The following NRG1 variants were observed in gnomAD, a reference collection of about 807,000 sequenced individuals.
NRG1 encodes pro-neuregulin-1, membrane-bound isoform.
Under a neutral mutation model 63.8 loss-of-function variants are expected in NRG1, and 18 were observed. The ratio of observed to expected loss-of-function variants is 0.28; its 90% CI spans 0.19 to 0.42. The LOEUF is 0.42. NRG1 is among the 10% of genes least tolerant of loss of function. NRG1 has a pLI of 1.00. For missense variants in NRG1, 762 were observed against 814.7 expected, an observed-to-expected ratio of 0.94 and a Z score of 0.79; for synonymous variants, 302 against 301.3, an observed-to-expected ratio of 1.00 and a Z score of -0.02.
intron 1 of NRG1, among the ~76,000 whole-genome samples, chr8:31,878,228 A>T (rs961203242): frequency 6.6e-6 from 1 of 152,182 alleles, no homozygotes; most frequent in African/African-American, 2.4e-5. Flanking sequence ...ATTGCTATAT[A>T]TGGAAATTCT....
intron 1 of NRG1, among the ~76,000 whole-genome samples, chr8:31,881,150 A>T (rs978908828): frequency 6.6e-6 from 1 of 152,122 alleles, no homozygotes; most frequent in Admixed American, 6.5e-5. Context: ...TGCTTTGCAG[A>T]TATTGTGTTT....
intron 1 of NRG1, among the ~76,000 whole-genome samples, chr8:32,498,389 A>G (rs1371905071): frequency 6.6e-6 from 1 of 152,216 alleles, no homozygotes; most frequent in Non-Finnish European, 1.5e-5. Flanking sequence ...ACAGTTCTGC[A>G]GGGCGTGGAG....
At chr8:31,906,038 G>A (rs552382754) in intron 1 of NRG1, among the ~76,000 whole-genome samples, 47 of 152,208 alleles carry the variant, frequency 3.1e-4, no homozygotes, top group Non-Finnish European at 5.7e-4. Context: ...AAACTTACCA[G>A]CTTAAAATAA....
chr8:32,769,472 C>T (rs1354545659), downstream of NRG1, among the ~76,000 whole-genome samples: 5 of 152,150 alleles, frequency 3.3e-5, no homozygotes, highest in Non-Finnish European at 1.5e-5. Context: ...CATTAGATTT[C>T]TTTTCTGTCC....
intron 1 of NRG1, among the ~76,000 whole-genome samples, chr8:32,108,277 A>G (rs1191288777): frequency 1.3e-5 from 2 of 152,174 alleles, no homozygotes; most frequent in African/African-American, 2.4e-5. Flanking sequence ...GAGACTGGGT[A>G]TGTATAAAGA....
intron 11 of NRG1, among the ~76,000 whole-genome samples, chr8:32,762,908 A>G (rs937787065): frequency 1.3e-5 from 2 of 152,210 alleles, no homozygotes; most frequent in African/African-American, 2.4e-5. Flanking sequence ...CAGACATAAC[A>G]TGATAGAAGG....
chr8:31,910,645 A>C (rs1832864552), intron 1 of NRG1, among the ~76,000 whole-genome samples: 2 of 152,198 alleles, frequency 1.3e-5, no homozygotes, highest in African/African-American at 4.8e-5. Flanking sequence ...CTAGAGCTCA[A>C]AGGAGAAGTC....
At chr8:32,729,206 G>A (rs1406277917) in intron 6 of NRG1, among the ~76,000 whole-genome samples, 2 of 152,172 alleles carry the variant, frequency 1.3e-5, no homozygotes, top group Admixed American at 6.5e-5. Context: ...TAAAAAGTAT[G>A]TTTATTTTGC....
chr8:32,275,093 G>A (rs1294799124), intron 1 of NRG1, among the ~76,000 whole-genome samples: 2 of 152,046 alleles, frequency 1.3e-5, no homozygotes, highest in Non-Finnish European at 2.9e-5. Flanking sequence ...CAGCCTGGAA[G>A]AGAGCATCCC....
At chr8:32,192,699 G>A (rs750433018) in intron 1 of NRG1, among the ~76,000 whole-genome samples, 2 of 151,914 alleles carry the variant, frequency 1.3e-5, no homozygotes, top group Non-Finnish European at 2.9e-5. Context: ...ACATAACCAA[G>A]TAGCAACCCT....
chr8:32,574,436 C>T (rs559124394), intron 1 of NRG1, among the ~76,000 whole-genome samples: 1 of 152,254 alleles, frequency 6.6e-6, no homozygotes, highest in East Asian at 1.9e-4. Context: ...TTTTTCCCCA[C>T]CCAAATCTCA....
At chr8:31,987,054 C>T (rs1417879174) in intron 1 of NRG1, among the ~76,000 whole-genome samples, 2 of 151,932 alleles carry the variant, frequency 1.3e-5, no homozygotes, top group Non-Finnish European at 2.9e-5. Flanking sequence ...AATCCTAGCA[C>T]CTTGGGAGGC....
chr8:31,642,848 T>C (rs187603150), intron 1 of NRG1, among the ~76,000 whole-genome samples: 79 of 152,386 alleles, frequency 5.2e-4, no homozygotes, highest in Non-Finnish European at 1.2e-4. Flanking sequence ...ACTGAAATCA[T>C]GCTAAAAGTT....
intron 1 of NRG1, among the ~76,000 whole-genome samples, chr8:32,476,704 C>T (rs895233178): frequency 6.6e-6 from 1 of 152,130 alleles, no homozygotes; most frequent in Admixed American, 6.6e-5. Flanking sequence ...CCTTCATTTC[C>T]TCCATTTTTA....
At chr8:31,916,138 A>G (rs1833361638) in intron 1 of NRG1, among the ~76,000 whole-genome samples, 3 of 152,152 alleles carry the variant, frequency 2.0e-5, no homozygotes, top group Admixed American at 2.0e-4. Context: ...GTTTGGCTAC[A>G]TTATCTAAAA....
At chr8:32,161,729 A>T (rs1045342242) in intron 1 of NRG1, among the ~76,000 whole-genome samples, 3 of 152,176 alleles carry the variant, frequency 2.0e-5, no homozygotes, top group Non-Finnish European at 4.4e-5. Context: ...GATACTCAGG[A>T]ATCCATTCTC....
At chr8:32,429,411 A>C (rs1817846506) in intron 1 of NRG1, among the ~76,000 whole-genome samples, 1 of 152,154 alleles carries the variant, frequency 6.6e-6, no homozygotes, top group Admixed American at 6.5e-5. Context: ...AAACACTATG[A>C]AGCCTTTTGC....
In NRG1 at chr8:31,709,468, G is replaced by A. The variant is rs547662689; in HGVS notation, c.37+70037G>A. Among the ~76,000 whole-genome samples the A allele has an allele frequency of 1.9e-4, 29 of 151,914 alleles. No homozygotes were observed. The South Asian group carries it at 5.2e-3, about 27-fold the overall frequency. On this transcript the variant is annotated intron_variant, in intron 1 of 10. Transcript: ENST00000519301. ...TTTGATATTAGTGTTACTCTTTTTTGTAGAGGAAAGAATAATTTTTTAAAA... is the reference window on the plus strand; with the variant it reads ...TTTGATATTAGTGTTACTCTTTTTTATAGAGGAAAGAATAATTTTTTAAAA...
intron 5 of NRG1, among the ~76,000 whole-genome samples, chr8:32,662,899 CCTT>C (rs967077791): frequency 2.0e-5 from 3 of 152,136 alleles, no homozygotes; most frequent in Admixed American, 6.5e-5. Flanking sequence ...GTGGACATTA[CCTT>C]CTCATAAAAA....
Sources: gnomAD v4.1 joint callset for allele counts (sites outside exome capture counted in the v4.1 genomes callset) on GRCh38, gnomAD v4.1.1 for gene constraint, MANE v1.5 for transcripts, NCBI Gene and HGNC (gene_info 2026-07-23, HGNC 2026-07-21) for gene names.